Variants in ELAPOR1 observed in about 807,000 individuals in gnomAD.
ELAPOR1 encodes the protein endosome/lysosome-associated apoptosis and autophagy regulator 1.
Under a neutral mutation model 119.7 loss-of-function variants are expected in ELAPOR1, and 77 were observed. The observed-to-expected ratio is 0.64, with a 90% confidence interval of 0.54 to 0.78. ELAPOR1 has a LOEUF of 0.78. Among genes scored for constraint, ELAPOR1 ranks in the 30% least tolerant of loss-of-function variants. The pLI is 0.00. For synonymous variants in ELAPOR1, 481 were observed against 487.2 expected (o/e 0.99, Z 0.17); for missense variants, 1,115 against 1,270.4 (o/e 0.88, Z 1.86).
At chr1:109,164,719 C>A in intron 3 of ELAPOR1, 28 bp downstream of exon 3, 1 of 1,585,994 alleles carries the variant, frequency 6.3e-7, no homozygotes, top group Non-Finnish European at 8.6e-7. Context: ...CCCACCCCAC[C>A]CCCAGCCCAC....
chr1:109,176,385 T>C (rs1283550138), intron 7 of ELAPOR1, among the ~76,000 whole-genome samples: 1 of 152,168 alleles, frequency 6.6e-6, no homozygotes, highest in African/African-American at 2.4e-5. Flanking sequence ...TTTCCTTTTT[T>C]ACACAGTTTA....
chr1:109,164,580 GC>G lies in ELAPOR1; in HGVS notation c.357del (p.Thr120GlnfsTer58). 6.2e-7 allele frequency: 1 copy of G among 1,614,222 alleles called. No individual in the cohort carries two copies. Among genetic ancestry groups the G allele is most frequent in the Non-Finnish European group, 8.5e-7 (1 of 1,180,030 alleles). Reference sequence around the variant, plus strand: ...TGCGCTGAGGGCCGCTACTCCCTCGGCACAGGCATTCGGTTTGATGAGTGGG... The same window carrying G: ...TGCGCTGAGGGCCGCTACTCCCTCGGACAGGCATTCGGTTTGATGAGTGGG... ...KPCAEGRYSL[G>X]TGIRFDEWDE... is the part of the protein sequence containing the mutation. On this transcript the variant is annotated frameshift_variant, in exon 3 of 22. Coordinates refer to ENST00000369939, the MANE Select transcript of ELAPOR1 (RefSeq NM_020775.5). LOFTEE classifies it high-confidence loss of function.
chr1:109,141,354 G>A (rs146308602), intron 1 of ELAPOR1, among the ~76,000 whole-genome samples: 11,003 of 151,692 alleles, frequency 0.073, 450 homozygotes, highest in Non-Finnish European at 0.09. Context: ...TCTGCCTCTC[G>A]AGGTTCACAC....
rs370872064 is a variant in ELAPOR1, at chr1:109,189,659, C to T, written c.1416C>T (p.Leu472=). The T allele has an allele frequency of 2.5e-6, 4 of 1,613,978 alleles. No individual in the cohort carries two copies. The highest frequency in any genetic ancestry group is 3.4e-6 in the Non-Finnish European group (4 of 1,179,976). ...AGASDNDFMI[L]TLVVPGFRPP... The stretch of plus-strand genomic sequence containing the variant: ...CCTCAGACAATGACTTCATGATTCT[C>T]ACTCTGGTTGTGCCAGGATTTAGGT... Residue 472 remains leucine (L), a synonymous_variant, in exon 11 of 22, where the codon CTC becomes CTT. Transcript: ENST00000369939.
intron 1 of ELAPOR1, among the ~76,000 whole-genome samples, chr1:109,127,028 G>T (rs1027010705): frequency 6.6e-6 from 1 of 151,976 alleles, no homozygotes; most frequent in Admixed American, 6.6e-5. Context: ...AGTCTGTATT[G>T]TCCCTCTGGT....
intron 21 of ELAPOR1, 23 bp from the exon 22 acceptor site, chr1:109,202,911 AGCAGCCAGCT>A: frequency 6.2e-7 from 1 of 1,613,372 alleles, no homozygotes; most frequent in South Asian, 1.1e-5. Context: ...GCCCCTGTGC[AGCAGCCAGCT>A]CCTGTCACCA....
intron 1 of ELAPOR1, among the ~76,000 whole-genome samples, chr1:109,117,718 G>A (rs982517522): frequency 2.0e-5 from 3 of 152,140 alleles, no homozygotes; most frequent in Non-Finnish European, 4.4e-5. Context: ...CTTAATAAAC[G>A]TTGGTAGGAA....
At chr1:109,193,858 G>T (rs1653606035) in intron 14 of ELAPOR1, among the ~76,000 whole-genome samples, 1 of 152,172 alleles carries the variant, frequency 6.6e-6, no homozygotes, top group African/African-American at 2.4e-5. Context: ...GCTGCTGTGG[G>T]AGGGAATGAC....
intron 2 of ELAPOR1, 98 bp downstream of exon 2, chr1:109,162,112 C>A: frequency 7.4e-7 from 1 of 1,352,376 alleles, no homozygotes; most frequent in Non-Finnish European, 1.0e-6. Context: ...GGCAGAGCAG[C>A]TGCATTAAGG....
rs1653299326 is a variant in ELAPOR1, at chr1:109,189,646, A to C, written c.1403A>C (p.Asp468Ala). The C allele has an allele frequency of 6.2e-7, 1 of 1,614,156 alleles. No homozygotes were observed. The highest frequency in any genetic ancestry group is 8.5e-7 in the Non-Finnish European group (1 of 1,180,022). ...IYTAAGASDN[D>A]FMILTLVVPG... ...ACAGCTGCTGGAGCCTCAGACAATG[A>C]CTTCATGATTCTCACTCTGGTTGTG... The change falls in exon 11 of 22, where the codon GAC becomes GCC. Residue 468 changes from aspartate (D) to alanine (A), a missense_variant. Coordinates refer to ENST00000369939, the MANE Select transcript of ELAPOR1 (RefSeq NM_020775.5).
chr1:109,191,509 G>A, intron 12 of ELAPOR1, 38 bp downstream of exon 12: 2 of 1,564,842 alleles, frequency 1.3e-6, no homozygotes, highest in Non-Finnish European at 1.8e-6. Flanking sequence ...AGGGCCTCCA[G>A]GGGAGGGTTA....
chr1:109,174,475 T>C (rs79454310), intron 7 of ELAPOR1, among the ~76,000 whole-genome samples: 4,156 of 139,230 alleles, frequency 0.03, 212 homozygotes, highest in African/African-American at 0.1. Flanking sequence ...GAGCCTCTCC[T>C]ATCTACCAGG....
Position 109,176,649 on chromosome 1 carries a change from G to A in ELAPOR1, c.952+2812G>A, listed in dbSNP as rs1294484156. ...AATTGATCATTCTTGGGTGTTTCTCGCAGAGGGGGATTTGGCAGGGTCACA... is the reference window on the plus strand; with the variant it reads ...AATTGATCATTCTTGGGTGTTTCTCACAGAGGGGGATTTGGCAGGGTCACA... On this transcript the variant is annotated intron_variant, in intron 7 of 21. Transcript: ENST00000369939. Among the ~76,000 whole-genome samples, 16 of 136,932 alleles carry A rather than the reference G, an allele frequency of 1.2e-4. No homozygotes were observed. In the South Asian group the frequency reaches 1.6e-3, roughly 14 times the overall value. 89.8% of individuals were successfully genotyped at this position (136,932 alleles called of 152,430 possible).
intron 16 of ELAPOR1, 116 bp from the exon 17 acceptor site, chr1:109,197,863 C>T: frequency 9.6e-7 from 1 of 1,043,644 alleles, no homozygotes; most frequent in Non-Finnish European, 1.5e-6. Flanking sequence ...TTTCATAAGC[C>T]ACTCAGGGAT....
chr1:109,185,201 C>G, intron 8 of ELAPOR1, 68 bp downstream of exon 8: 1 of 1,199,432 alleles, frequency 8.3e-7, no homozygotes, highest in South Asian at 1.2e-5. Flanking sequence ...AGGTTTGCCA[C>G]CATTTGGAAC....
At chr1:109,170,017 G>T (rs1651831569) in intron 3 of ELAPOR1, among the ~76,000 whole-genome samples, 1 of 152,210 alleles carries the variant, frequency 6.6e-6, no homozygotes, top group Non-Finnish European at 1.5e-5. Context: ...CAAAAAAGCT[G>T]GATGTGTGAA....
At chr1:109,144,069 T>A (rs1187061201) in intron 1 of ELAPOR1, among the ~76,000 whole-genome samples, 17 of 125,538 alleles carry the variant, frequency 1.4e-4, no homozygotes, top group Middle Eastern at 4.3e-3. Context: ...ATATTTTTTT[T>A]TTTTTTTGAG....
chr1:109,177,343 G>C (rs1399088124), intron 7 of ELAPOR1, among the ~76,000 whole-genome samples: 3 of 124,348 alleles, frequency 2.4e-5, no homozygotes, highest in African/African-American at 3.7e-5. Flanking sequence ...TCTCAGACCG[G>C]GCGGCTGCCG....
rs188136569 is a variant in ELAPOR1, at chr1:109,148,175, G to C, written c.154-13719G>C. ...TTTTTTTGACATGGAGTCTCATTCT[G>C]TCACACAGGCTGGAGTGCAGTGGCG... is the stretch of plus-strand genomic sequence containing the variant. On this transcript the variant is annotated intron_variant, in intron 1 of 21. Coordinates refer to ENST00000369939, the MANE Select transcript of ELAPOR1 (RefSeq NM_020775.5). Among the ~76,000 whole-genome samples the C allele has an allele frequency of 3.3e-3, 500 of 149,884 alleles. 2 individuals carry two copies. The highest frequency in any genetic ancestry group is 5.7e-3 in the Non-Finnish European group (388 of 67,560).
Sources: gnomAD v4.1 joint callset for allele counts (sites outside exome capture counted in the v4.1 genomes callset) on GRCh38, gnomAD v4.1.1 for gene constraint, MANE v1.5 for transcripts, NCBI Gene and HGNC (gene_info 2026-07-23, HGNC 2026-07-21) for gene names.